The following TAF4 variants were observed in gnomAD, a reference collection of about 807,000 sequenced individuals.
TAF4 encodes transcription initiation factor TFIID subunit 4.
TAF4 carries 9 observed loss-of-function variants against 90.3 expected under a neutral mutation model. That is an observed-to-expected ratio of 0.10 (90% CI 0.06 to 0.17). TAF4 has a LOEUF of 0.17. Among genes scored for constraint, TAF4 ranks in the 10% least tolerant of loss-of-function variants. The pLI is 1.00. For synonymous variants in TAF4, 818 were observed against 638.9 expected, an observed-to-expected ratio of 1.28 and a Z score of -4.23; for missense variants, 1,351 against 1,370.7, an observed-to-expected ratio of 0.99 and a Z score of 0.23.
At chr20:62,037,159 T>A (rs577839518) in intron 1 of TAF4, among the ~76,000 whole-genome samples, 1 of 146,744 alleles carries the variant, frequency 6.8e-6, no homozygotes, top group Admixed American at 6.9e-5. Flanking sequence ...GCTGACATCA[T>A]GTGCGTCATG....
At chr20:62,059,866 G>A (rs1213445036) in intron 1 of TAF4, among the ~76,000 whole-genome samples, 2 of 152,228 alleles carry the variant, frequency 1.3e-5, no homozygotes, top group Non-Finnish European at 2.9e-5. Context: ...AAACACAGCT[G>A]CTAATTATGC....
At chr20:61,995,158 G>C (rs891431833) in intron 14 of TAF4, among the ~76,000 whole-genome samples, 1 of 152,208 alleles carries the variant, frequency 6.6e-6, no homozygotes, top group Non-Finnish European at 1.5e-5. Flanking sequence ...TCTCTTGGCA[G>C]GTAAGCATGA....
intron 14 of TAF4, among the ~76,000 whole-genome samples, chr20:61,983,228 G>A (rs1210068351): frequency 6.6e-6 from 1 of 151,786 alleles, no homozygotes; most frequent in Non-Finnish European, 1.5e-5. Context: ...AGGAGACCAG[G>A]GCGTCGTCAC....
intron 1 of TAF4, chr20:62,037,734 GT>G: frequency 4.7e-6 from 1 of 212,566 alleles, no homozygotes; most frequent in Non-Finnish European, 9.9e-6. Flanking sequence ...CAGCCCCACT[GT>G]TTGGCCTAGG....
intron 1 of TAF4, among the ~76,000 whole-genome samples, chr20:62,042,962 G>A (rs1477361476): frequency 2.0e-5 from 3 of 152,128 alleles, no homozygotes; most frequent in African/African-American, 7.2e-5. Context: ...TGTAGGCCTA[G>A]GCTAACGTGT....
In TAF4 at chr20:62,065,389, G is replaced by A. The variant is rs1402389514; in HGVS notation, c.422C>T (p.Pro141Leu). The A allele has an allele frequency of 1.1e-5, 11 of 972,634 alleles. No homozygotes were observed. The African/African-American group carries it at 1.8e-4, about 16-fold the overall frequency. 60.3% of individuals were successfully genotyped at this position (972,634 alleles called of 1,614,324 possible). ...EGSAGSCAPVPAAAAVAAGPE... is the reference protein window; with the variant it reads ...EGSAGSCAPVLAAAAVAAGPE... ...CCCCGCGGCGACGGCGGCGGCGGCG[G>A]GCACCGGGGCGCAGGACCCCGCGCT... The change falls in exon 1 of 15, where the codon CCC becomes CTC. Residue 141 changes from proline to leucine, a missense_variant. Coordinates refer to ENST00000252996, the MANE Select transcript of TAF4 (RefSeq NM_003185.4).
At chr20:62,019,104 C>T (rs2055828470) in intron 1 of TAF4, among the ~76,000 whole-genome samples, 1 of 152,212 alleles carries the variant, frequency 6.6e-6, no homozygotes, top group Admixed American at 6.5e-5. Flanking sequence ...GCTAACAGAA[C>T]CGCACTGGGG....
Position 62,065,138 on chromosome 20 carries a change from G to A in TAF4, c.673C>T (p.Leu225=). The A allele has an allele frequency of 1.7e-6, 2 of 1,181,186 alleles. No homozygotes were observed. Among genetic ancestry groups the A allele is most frequent in the Non-Finnish European group, 2.1e-6 (2 of 932,688 alleles). 73.2% of individuals were successfully genotyped at this position (1,181,186 alleles called of 1,614,324 possible). ...GCGGCGGGCTTGGGCAGCGGCAGCA[G>A]CGCGGCGGGCCCGTTGTTGACCAGG... ...VSLVNNGPAA[L]LPLPKPAAPG... The change falls in exon 1 of 15, where the codon CTG becomes TTG. Residue 225 remains leucine (L), a synonymous_variant. Transcript: ENST00000252996.
chr20:62,064,219 C>G, intron 1 of TAF4: 1 of 423,120 alleles, frequency 2.4e-6, no homozygotes, highest in Non-Finnish European at 4.0e-6. Context: ...GCAGCCAGCG[C>G]GGACGTCAGG....
chr20:62,015,440 T>TC (rs2123152498), intron 1 of TAF4, among the ~76,000 whole-genome samples: 1 of 152,282 alleles, frequency 6.6e-6, no homozygotes, highest in African/African-American at 2.4e-5. Context: ...AACACAATTG[T>TC]CCAACTTTTA....
At chr20:62,019,583 G>A (rs545926563) in intron 1 of TAF4, among the ~76,000 whole-genome samples, 23 of 152,332 alleles carry the variant, frequency 1.5e-4, no homozygotes, top group African/African-American at 3.8e-4. Context: ...GCCACGAGAC[G>A]CCTCCCTGGG....
intron 1 of TAF4, among the ~76,000 whole-genome samples, chr20:62,040,810 C>A (rs545306122): frequency 6.6e-6 from 1 of 152,208 alleles, no homozygotes; most frequent in Non-Finnish European, 1.5e-5. Context: ...ACCTTCCGTA[C>A]GACTCAGCGA....
intron 1 of TAF4, among the ~76,000 whole-genome samples, chr20:62,063,744 G>C (rs1357667407): frequency 6.6e-6 from 1 of 152,238 alleles, no homozygotes; most frequent in Non-Finnish European, 1.5e-5. Context: ...CTCTGGAAGA[G>C]ACAGTGACAC....
At position 61,986,045 on chromosome 20, in the gene TAF4, CATCAAAGGAAACACCATCCCCA is replaced by C. The variant is rs1568922393; in HGVS notation, c.3091-9732_3091-9711del. Among the ~76,000 whole-genome samples, 734 of 101,982 alleles carry C rather than the reference CATCAAAGGAAACACCATCCCCA, an allele frequency of 7.2e-3. 46 individuals carry two copies. Among genetic ancestry groups the C allele is most frequent in the Non-Finnish European group, 9.8e-3 (460 of 46,782 alleles). The allele number at this position is 101,982 out of a possible 152,430, so 66.9% of individuals were successfully genotyped here. A position where few individuals can be genotyped will look rare whatever the true frequency, so the allele number is the denominator to read the frequency against. On this transcript the variant is annotated intron_variant, in intron 14 of 14. Transcript: ENST00000252996. ...CCCCATCAAAGGAAACACCATCCCC[CATCAAAGGAAACACCATCCCCA>C]ATCAAAGGAAACACCATCCCCCATC...
In TAF4 at chr20:62,010,266, G is replaced by T; in HGVS notation, c.1642-101C>A. The T allele has an allele frequency of 6.4e-7, 1 of 1,563,624 alleles. No homozygotes were observed. On this transcript the variant is annotated intron_variant, in intron 3 of 14. Coordinates refer to ENST00000252996, the MANE Select transcript of TAF4 (RefSeq NM_003185.4). The surrounding 1 kb of genome is among the most constrained non-coding windows in gnomAD (Gnocchi z 4.5). ...AGCAAAAGAAAACAAGCCTCCCTGCGGTGGCCAGGACGCCCAGGAAGCCAA... is the reference window on the plus strand; with the variant it reads ...AGCAAAAGAAAACAAGCCTCCCTGCTGTGGCCAGGACGCCCAGGAAGCCAA...
chr20:61,993,516 A>G (rs1266144889), intron 14 of TAF4, among the ~76,000 whole-genome samples: 1 of 152,186 alleles, frequency 6.6e-6, no homozygotes, highest in African/African-American at 2.4e-5. Context: ...CAGATTTTTA[A>G]AAATGTTAAA....
At chr20:61,977,496 A>C (rs1250493864) in intron 14 of TAF4, among the ~76,000 whole-genome samples, 1 of 151,974 alleles carries the variant, frequency 6.6e-6, no homozygotes, top group South Asian at 2.1e-4. Flanking sequence ...CCCGCCCCTC[A>C]TGCCGTCCTT....
At chr20:62,021,665 G>A (rs1229320535) in intron 1 of TAF4, among the ~76,000 whole-genome samples, 1 of 152,258 alleles carries the variant, frequency 6.6e-6, no homozygotes, top group Non-Finnish European at 1.5e-5. Flanking sequence ...GCAGGGCCAT[G>A]TGGATACACG....
Position 62,007,561 on chromosome 20 carries a change from C to G in TAF4, c.1960G>C (p.Val654Leu). The change falls in exon 6 of 15, where the codon GTG (valine) becomes CTG (leucine). Residue 654 changes from valine to leucine, a missense_variant. Physicochemically the swap from Val to Leu is conservative, Grantham distance 32. Coordinates refer to ENST00000252996, the MANE Select transcript of TAF4 (RefSeq NM_003185.4). ...ELNSSPQPYL[V>L]PFLKRSLPAL... ...TTTGAAATTACCTTCAGGAAAGGCA[C>G]AAGGTAAGGTTGAGGTGAAGAATTA... 6.2e-7 allele frequency: 1 copy of G among 1,613,838 alleles called. No homozygotes were observed. Among genetic ancestry groups the G allele is most frequent in the Non-Finnish European group, 8.5e-7 (1 of 1,179,894 alleles).
Sources: allele counts gnomAD v4.1 joint callset (sites outside exome capture counted in the v4.1 genomes callset), GRCh38; gene constraint gnomAD v4.1.1; non-coding constraint Gnocchi (gnomAD v3.1); transcripts MANE v1.5; gene names NCBI Gene and HGNC (gene_info 2026-07-23, HGNC 2026-07-21).